The following TMEFF2 variants were observed in gnomAD, a reference collection of about 807,000 sequenced individuals.
TMEFF2 encodes tomoregulin-2.
TMEFF2 carries 28 observed loss-of-function variants against 53.8 expected under a neutral mutation model. That is an observed-to-expected ratio of 0.52 (90% CI 0.39 to 0.71). The LOEUF (loss-of-function observed/expected upper bound fraction) is 0.71. Among genes scored for constraint, TMEFF2 ranks in the 30% least tolerant of loss-of-function variants. The pLI is 0.00. For synonymous variants in TMEFF2, 162 were observed against 166.3 expected, an observed-to-expected ratio of 0.97 and a Z score of 0.20; for missense variants, 353 against 455.2, an observed-to-expected ratio of 0.78 and a Z score of 2.04.
chr2:191,977,853 T>A (rs1685769053), intron 7 of TMEFF2, among the ~76,000 whole-genome samples: 1 of 152,198 alleles, frequency 6.6e-6, no homozygotes, highest in Admixed American at 6.5e-5. Context: ...ATAACTATGT[T>A]TTTATGTTTG....
intron 4 of TMEFF2, among the ~76,000 whole-genome samples, chr2:192,161,590 A>G (rs1690635387): frequency 6.6e-6 from 1 of 152,214 alleles, no homozygotes; most frequent in African/African-American, 2.4e-5. Flanking sequence ...CAATTAGTCA[A>G]CTTGCTTGAG....
At chr2:192,157,157 T>TA (rs1244290628) in intron 4 of TMEFF2, among the ~76,000 whole-genome samples, 1 of 152,038 alleles carries the variant, frequency 6.6e-6, no homozygotes, top group Admixed American at 6.6e-5. Context: ...ACGAAAACTT[T>TA]AAAATTTCTT....
intron 7 of TMEFF2, among the ~76,000 whole-genome samples, chr2:191,986,068 C>T (rs1393657167): frequency 6.6e-6 from 1 of 152,196 alleles, no homozygotes; most frequent in Non-Finnish European, 1.5e-5. Flanking sequence ...CATTTTGTTC[C>T]ATGAGCAACA....
At chr2:192,163,210 A>G (rs780890870) in intron 4 of TMEFF2, among the ~76,000 whole-genome samples, 3 of 152,182 alleles carry the variant, frequency 2.0e-5, no homozygotes, top group Non-Finnish European at 4.4e-5. Context: ...ATCCAATGTG[A>G]GAAAATTGAT....
intron 7 of TMEFF2, among the ~76,000 whole-genome samples, chr2:191,983,413 G>A (rs561273792): frequency 6.6e-6 from 1 of 150,398 alleles, no homozygotes; most frequent in Non-Finnish European, 1.5e-5. Context: ...TTCTCCTGGG[G>A]CAAAAAGGGA....
intron 4 of TMEFF2, among the ~76,000 whole-genome samples, chr2:192,124,744 A>T (rs1689636941): frequency 6.6e-6 from 1 of 152,190 alleles, no homozygotes; most frequent in Non-Finnish European, 1.5e-5. Context: ...GAGTTTAAAC[A>T]TTTAAGGACA....
At chr2:192,185,807 C>T (rs542905602) in intron 2 of TMEFF2, among the ~76,000 whole-genome samples, 1 of 152,096 alleles carries the variant, frequency 6.6e-6, no homozygotes, top group South Asian at 2.1e-4. Flanking sequence ...GCTTAATTAT[C>T]ATAACAAATT....
At chr2:192,133,040 G>A (rs1007155569) in intron 4 of TMEFF2, among the ~76,000 whole-genome samples, 2 of 151,988 alleles carry the variant, frequency 1.3e-5, no homozygotes, top group African/African-American at 4.8e-5. Flanking sequence ...TGTTGCCCTT[G>A]CCTCCGTAAC....
intron 5 of TMEFF2, among the ~76,000 whole-genome samples, chr2:192,041,200 C>T (rs1687471526): frequency 6.6e-6 from 1 of 152,086 alleles, no homozygotes; most frequent in Admixed American, 6.5e-5. Flanking sequence ...AAACTACCTG[C>T]AAACCATATA....
intron 7 of TMEFF2, among the ~76,000 whole-genome samples, chr2:191,966,418 C>T (rs1380193039): frequency 6.6e-6 from 1 of 152,084 alleles, no homozygotes; most frequent in African/African-American, 2.4e-5. Flanking sequence ...GAATTTATTA[C>T]CCCTTTCATT....
At chr2:192,173,099 C>T (rs1333400203) in intron 4 of TMEFF2, among the ~76,000 whole-genome samples, 1 of 151,748 alleles carries the variant, frequency 6.6e-6, no homozygotes, top group Non-Finnish European at 1.5e-5. Context: ...CTATAGTTAA[C>T]AATGACTTAT....
chr2:191,965,652 A>G (rs1168089821), intron 7 of TMEFF2, among the ~76,000 whole-genome samples: 1 of 152,016 alleles, frequency 6.6e-6, no homozygotes, highest in Non-Finnish European at 1.5e-5. Context: ...ACCTTTTGCA[A>G]TTCTTCTGCA....
chr2:191,998,370 T>G lies in TMEFF2; in HGVS notation c.686-49A>C, dbSNP rs1402359353. ...AAATTGATTAACTGCTTCCTAAATA[T>G]CTAATATCAAACTTATATATTTCCT... On this transcript the variant is annotated intron_variant, in intron 6 of 9. Transcript: ENST00000272771. 5 of 1,321,140 alleles carry G rather than the reference T, an allele frequency of 3.8e-6. No homozygotes were observed. The South Asian group carries it at 6.4e-5, about 17-fold the overall frequency. The allele number at this position is 1,321,140 out of a possible 1,614,324, so 81.8% of individuals were successfully genotyped here.
At chr2:191,954,167 G>A (rs1243948849) in intron 8 of TMEFF2, among the ~76,000 whole-genome samples, 2 of 152,082 alleles carry the variant, frequency 1.3e-5, no homozygotes, top group Non-Finnish European at 2.9e-5. Context: ...GATTACAGGC[G>A]TGAGCCACCG....
chr2:191,949,700 T>C lies in TMEFF2; in HGVS notation c.*611A>G, dbSNP rs916102069. 1 of 985,334 alleles carries C rather than the reference T, an allele frequency of 1.0e-6. No homozygotes were observed. The allele number at this position is 985,334 out of a possible 1,614,324, so 61.0% of individuals were successfully genotyped here. A position where few individuals can be genotyped will look rare whatever the true frequency, so the allele number is the denominator to read the frequency against. ...CACTTTCCCTCCCCTTCTTCTTTTA[T>C]TTAGTTTATATGCCAGAGATTTTTC... On this transcript the variant is annotated 3_prime_UTR_variant, in exon 10 of 10. Coordinates refer to ENST00000272771, the MANE Select transcript of TMEFF2 (RefSeq NM_016192.4).
intron 4 of TMEFF2, among the ~76,000 whole-genome samples, chr2:192,071,623 CTATTCCT>C (rs1688295484): frequency 1.3e-5 from 2 of 151,874 alleles, no homozygotes; most frequent in South Asian, 4.1e-4. Context: ...CACAAATGCT[CTATTCCT>C]TAATATAAAA....
intron 7 of TMEFF2, among the ~76,000 whole-genome samples, chr2:191,983,255 T>C (rs1026892589): frequency 2.6e-5 from 4 of 152,170 alleles, no homozygotes; most frequent in African/African-American, 9.6e-5. Context: ...ACATTGACAC[T>C]TCTCTAAAGG....
chr2:192,180,986 T>C (rs1691172924), intron 3 of TMEFF2, among the ~76,000 whole-genome samples: 1 of 151,850 alleles, frequency 6.6e-6, no homozygotes, highest in Non-Finnish European at 1.5e-5. Context: ...GATCAGCATA[T>C]CTTTTCCTTA....
At chr2:192,156,899 G>C (rs541271676) in intron 4 of TMEFF2, among the ~76,000 whole-genome samples, 1 of 151,968 alleles carries the variant, frequency 6.6e-6, no homozygotes, top group Non-Finnish European at 1.5e-5. Context: ...AATTAAGGTC[G>C]AGAGAGGTTA....
Sources: allele counts gnomAD v4.1 joint callset (sites outside exome capture counted in the v4.1 genomes callset), GRCh38; gene constraint gnomAD v4.1.1; transcripts MANE v1.5; gene names NCBI Gene and HGNC (gene_info 2026-07-23, HGNC 2026-07-21).